The following PLGRKT variants were observed in gnomAD, a reference collection of about 807,000 sequenced individuals.
The protein encoded by PLGRKT is plasminogen receptor (KT).
Under a neutral mutation model 18.5 loss-of-function variants are expected in PLGRKT, and 22 were observed. That is an observed-to-expected ratio of 1.19 (90% CI 0.85 to 1.70). PLGRKT has a LOEUF of 1.70. PLGRKT is among the 40% of genes most tolerant of loss of function. PLGRKT has a pLI of 0.00. For missense variants in PLGRKT, 235 were observed against 174.4 expected, an observed-to-expected ratio of 1.35 and a Z score of -1.96; for synonymous variants, 72 against 52.8, an observed-to-expected ratio of 1.36 and a Z score of -1.58.
At chr9:5,378,029 A>G (rs975831715) in intron 3 of PLGRKT, among the ~76,000 whole-genome samples, 1 of 152,126 alleles carries the variant, frequency 6.6e-6, no homozygotes, top group African/African-American at 2.4e-5. Context: ...CATCCACCCT[A>G]AAGGGAAGCT....
At chr9:5,366,360 T>G (rs1817386532) in intron 3 of PLGRKT, among the ~76,000 whole-genome samples, 1 of 152,142 alleles carries the variant, frequency 6.6e-6, no homozygotes, top group African/African-American at 2.4e-5. Context: ...AATACAAAAT[T>G]CTTTATCGTA....
chr9:5,376,096 C>T (rs989458713), intron 3 of PLGRKT, among the ~76,000 whole-genome samples: 2 of 152,172 alleles, frequency 1.3e-5, no homozygotes, highest in Non-Finnish European at 2.9e-5. Flanking sequence ...AACAAACAAT[C>T]ACAAAAGAAC....
intron 3 of PLGRKT, among the ~76,000 whole-genome samples, chr9:5,421,455 T>C (rs182275609): frequency 6.6e-6 from 1 of 152,320 alleles, no homozygotes; most frequent in East Asian, 1.9e-4. Flanking sequence ...TCTGTGTTTG[T>C]TGGTTTGTTG....
intron 3 of PLGRKT, among the ~76,000 whole-genome samples, chr9:5,369,520 G>A (rs113857379): frequency 0.03 from 4,616 of 152,114 alleles, 224 homozygotes; most frequent in African/African-American, 0.1. Context: ...CAACCATTGT[G>A]GAAGACAGTG....
intron 3 of PLGRKT, among the ~76,000 whole-genome samples, chr9:5,403,817 T>A (rs528615400): frequency 6.6e-6 from 1 of 152,192 alleles, no homozygotes; most frequent in Admixed American, 6.5e-5. Context: ...TTTCTTCACA[T>A]AAGATGACAG....
intron 3 of PLGRKT, among the ~76,000 whole-genome samples, chr9:5,372,315 G>A (rs1817536735): frequency 6.6e-6 from 1 of 151,932 alleles, no homozygotes; most frequent in African/African-American, 2.4e-5. Flanking sequence ...TAATAATGTG[G>A]CTCACCATGT....
At chr9:5,409,179 C>T (rs1216632674) in intron 3 of PLGRKT, among the ~76,000 whole-genome samples, 1 of 152,188 alleles carries the variant, frequency 6.6e-6, no homozygotes, top group Non-Finnish European at 1.5e-5. Context: ...TGAGTGTCAA[C>T]TTGATTGGAT....
chr9:5,357,987 C>G lies in PLGRKT; in HGVS notation c.*252G>C, dbSNP rs1817175212. The G allele has an allele frequency of 3.5e-6, 1 of 282,130 alleles. No individual in the cohort carries two copies. Among genetic ancestry groups the G allele is most frequent in the Admixed American group, 4.8e-5 (1 of 20,876 alleles). The allele number at this position is 282,130 out of a possible 1,614,324, so 17.5% of individuals were successfully genotyped here. A position where few individuals can be genotyped will look rare whatever the true frequency, so the allele number is the denominator to read the frequency against. ...GGCATTTGCTTCCAGGAATTCAAAA[C>G]AATTTATTAATTTTACACTTAGATA... On this transcript the variant is annotated 3_prime_UTR_variant, in exon 6 of 6. Coordinates refer to ENST00000223864, the MANE Select transcript of PLGRKT (RefSeq NM_018465.4).
chr9:5,418,368 C>T lies in PLGRKT; in HGVS notation c.81+13529G>A. ...ACAAGAGACTTCCCTGCAGCCCTCT[C>T]CAGCCACAAGATGTCACAGTCAAGC... On this transcript the variant is annotated intron_variant, in intron 3 of 5. Coordinates refer to ENST00000223864, the MANE Select transcript of PLGRKT (RefSeq NM_018465.4). This position sits in a 1 kb window ranked among gnomAD's most constrained non-coding sequence, Gnocchi z 4.2. 1.3e-6 allele frequency: 1 copy of T among 743,946 alleles called. No homozygotes were observed. The highest frequency in any genetic ancestry group is 2.4e-6 in the Non-Finnish European group (1 of 420,422). 46.1% of individuals were successfully genotyped at this position (743,946 alleles called of 1,614,324 possible).
intron 3 of PLGRKT, among the ~76,000 whole-genome samples, chr9:5,396,255 A>G (rs1818046593): frequency 6.6e-6 from 1 of 151,762 alleles, no homozygotes; most frequent in Non-Finnish European, 1.5e-5. Context: ...GATTTTGGAC[A>G]CTAACAAGAA....
chr9:5,371,874 A>C (rs1460240618), intron 3 of PLGRKT, among the ~76,000 whole-genome samples: 1 of 151,962 alleles, frequency 6.6e-6, no homozygotes, highest in Admixed American at 6.6e-5. Context: ...CAGTGCACAA[A>C]AGACCTCTAT....
At chr9:5,414,876 T>C (rs1818429710) in intron 3 of PLGRKT, among the ~76,000 whole-genome samples, 1 of 152,162 alleles carries the variant, frequency 6.6e-6, no homozygotes, top group East Asian at 1.9e-4. Flanking sequence ...TCACACTGGA[T>C]TGGAAATAGA....
At position 5,418,497 on chromosome 9, in the gene PLGRKT, C is replaced by A; in HGVS notation, c.81+13400G>T. ...ACACCCTCAACCACATGGAGCTTTT[C>A]ACCATGCCCCGCCTGTCCTGCTCCT... On this transcript the variant is annotated intron_variant, in intron 3 of 5. Transcript: ENST00000223864. This position sits in a 1 kb window ranked among gnomAD's most constrained non-coding sequence, Gnocchi z 4.2. 1 of 1,104,538 alleles carries A rather than the reference C, an allele frequency of 9.1e-7. No homozygotes were observed. The highest frequency in any genetic ancestry group is 1.4e-6 in the Non-Finnish European group (1 of 722,818). The allele number at this position is 1,104,538 out of a possible 1,614,324, so 68.4% of individuals were successfully genotyped here. A position where few individuals can be genotyped will look rare whatever the true frequency, so the allele number is the denominator to read the frequency against.
chr9:5,375,967 T>G (rs1192101984), intron 3 of PLGRKT, among the ~76,000 whole-genome samples: 3 of 152,156 alleles, frequency 2.0e-5, no homozygotes, highest in Admixed American at 2.0e-4. Flanking sequence ...TATCAACGGA[T>G]GACTCGGTAA....
chr9:5,388,049 G>C (rs1277043189), intron 3 of PLGRKT, among the ~76,000 whole-genome samples: 2 of 151,910 alleles, frequency 1.3e-5, no homozygotes, highest in African/African-American at 4.9e-5. Context: ...GCCAAATTCT[G>C]GGTTAGAAAT....
chr9:5,419,889 G>A (rs1818541466), intron 3 of PLGRKT, among the ~76,000 whole-genome samples: 1 of 152,090 alleles, frequency 6.6e-6, no homozygotes, highest in African/African-American at 2.4e-5. Context: ...CCAAAAGAAT[G>A]GAAAACAACT....
chr9:5,370,903 G>C (rs538924067), intron 3 of PLGRKT, among the ~76,000 whole-genome samples: 2 of 152,256 alleles, frequency 1.3e-5, no homozygotes, highest in African/African-American at 4.8e-5. Context: ...GAATCTCAAT[G>C]AGGAAATCAG....
In PLGRKT at chr9:5,397,343, G is replaced by T. The variant is rs116348464; in HGVS notation, c.81+34554C>A. Among the ~76,000 whole-genome samples the T allele has an allele frequency of 5.4e-3, 818 of 151,924 alleles. 20 individuals carry two copies. The highest frequency in any genetic ancestry group is 0.019 in the African/African-American group (774 of 41,248). On this transcript the variant is annotated intron_variant, in intron 3 of 5. Transcript: ENST00000223864. ...TTCTTTCCAAAGGCAGCTCTTCCCT[G>T]ACCTCTACATCCAGCTTTAGTGTTC... is the stretch of plus-strand genomic sequence containing the variant.
chr9:5,395,774 T>G (rs1818032454), intron 3 of PLGRKT, among the ~76,000 whole-genome samples: 1 of 150,908 alleles, frequency 6.6e-6, no homozygotes, highest in Non-Finnish European at 1.5e-5. Context: ...ATTTGCATAG[T>G]TTTCATTTTT....
Sources: allele counts gnomAD v4.1 joint callset (sites outside exome capture counted in the v4.1 genomes callset), GRCh38; gene constraint gnomAD v4.1.1; non-coding constraint Gnocchi (gnomAD v3.1); transcripts MANE v1.5; gene names NCBI Gene and HGNC (gene_info 2026-07-23, HGNC 2026-07-21).